Variants in COBLL1 observed in about 807,000 individuals in gnomAD.
COBLL1 encodes cordon-bleu protein-like 1.
Under a neutral mutation model 94.8 loss-of-function variants are expected in COBLL1, and 50 were observed. The ratio of observed to expected loss-of-function variants is 0.53; its 90% CI spans 0.42 to 0.67. The LOEUF (loss-of-function observed/expected upper bound fraction) is 0.67. Among genes scored for constraint, COBLL1 ranks in the 30% least tolerant of loss-of-function variants. The probability of loss-of-function intolerance (pLI) is 0.00; values close to 1 mark genes in which losing one functional copy is unlikely to be tolerated. For missense variants in COBLL1, 1,362 were observed against 1,348.7 expected (o/e 1.01, Z -0.15); for synonymous variants, 448 against 473.8 (o/e 0.95, Z 0.71).
intron 13 of COBLL1, among the ~76,000 whole-genome samples, chr2:164,690,185 G>A (rs778580062): frequency 1.1e-4 from 16 of 151,998 alleles, no homozygotes; most frequent in Non-Finnish European, 2.1e-4. Flanking sequence ...TTTAGGGTAC[G>A]TAACTAGAAG....
intron 13 of COBLL1, among the ~76,000 whole-genome samples, chr2:164,687,998 GAACA>G (rs1683394118): frequency 6.6e-6 from 1 of 152,018 alleles, no homozygotes; most frequent in African/African-American, 2.4e-5. Context: ...CACAAATAAT[GAACA>G]AATAAGCTAC....
downstream of COBLL1, among the ~76,000 whole-genome samples, chr2:164,676,314 GATA>G (rs1391539611): frequency 2.6e-5 from 4 of 151,952 alleles, no homozygotes; most frequent in East Asian, 5.8e-4. Flanking sequence ...ACACAACTTG[GATA>G]ATATCTGTCA....
chr2:164,788,108 G>A (rs1289551984), intron 2 of COBLL1, among the ~76,000 whole-genome samples: 1 of 152,070 alleles, frequency 6.6e-6, no homozygotes, highest in Non-Finnish European at 1.5e-5. Flanking sequence ...GGCACTGATT[G>A]GCCTAAACCA....
At chr2:164,707,477 C>A (rs1684663624) in intron 7 of COBLL1, among the ~76,000 whole-genome samples, 1 of 152,118 alleles carries the variant, frequency 6.6e-6, no homozygotes, top group African/African-American at 2.4e-5. Flanking sequence ...CCCTGACTCC[C>A]AACATTTCTT....
At chr2:164,824,165 T>G (rs1228237540) in intron 2 of COBLL1, among the ~76,000 whole-genome samples, 1 of 152,146 alleles carries the variant, frequency 6.6e-6, no homozygotes, top group Non-Finnish European at 1.5e-5. Context: ...GTGGATCACC[T>G]GAGGTCAGAA....
intron 2 of COBLL1, among the ~76,000 whole-genome samples, chr2:164,762,221 C>T (rs1687717604): frequency 6.6e-6 from 1 of 152,170 alleles, no homozygotes. Flanking sequence ...GGCTATTTAA[C>T]CTGACCATGC....
chr2:164,794,873 A>G (rs1249614951), intron 2 of COBLL1, among the ~76,000 whole-genome samples: 1 of 152,248 alleles, frequency 6.6e-6, no homozygotes, highest in Non-Finnish European at 1.5e-5. Flanking sequence ...TTGAATTCAC[A>G]AATCTTTGCC....
chr2:164,795,986 G>A (rs1451603402), intron 2 of COBLL1, among the ~76,000 whole-genome samples: 1 of 152,054 alleles, frequency 6.6e-6, no homozygotes, highest in African/African-American at 2.4e-5. Context: ...TGTGTCTCCT[G>A]GTGAGACGCA....
In COBLL1 at chr2:164,800,903, T is replaced by A. The variant is rs566376225; in HGVS notation, c.41+40253A>T. ...CACCAGGTGTTATTGATAGGGACGG[T>A]CTCATTATAAAGTAACAGCAAAAGG... On this transcript the variant is annotated intron_variant, in intron 2 of 13. Coordinates refer to ENST00000652658, the MANE Select transcript of COBLL1 (RefSeq NM_001365672.2). Among the ~76,000 whole-genome samples, 18 of 152,278 alleles carry A rather than the reference T, an allele frequency of 1.2e-4. No individual in the cohort carries two copies. In the South Asian group the frequency reaches 2.7e-3, roughly 23 times the overall value.
chr2:164,749,413 C>T (rs904884192), intron 2 of COBLL1, among the ~76,000 whole-genome samples: 2 of 152,170 alleles, frequency 1.3e-5, no homozygotes, highest in Non-Finnish European at 2.9e-5. Context: ...AACCCTCTCT[C>T]AGCACAAAGA....
chr2:164,819,035 T>G (rs1685029716), intron 2 of COBLL1, among the ~76,000 whole-genome samples: 1 of 151,934 alleles, frequency 6.6e-6, no homozygotes, highest in South Asian at 2.1e-4. Flanking sequence ...CCTCTCAAAG[T>G]GCTGGGACTA....
chr2:164,802,274 T>A (rs1683847493), intron 2 of COBLL1, among the ~76,000 whole-genome samples: 1 of 152,212 alleles, frequency 6.6e-6, no homozygotes, highest in Non-Finnish European at 1.5e-5. Context: ...GCACAATATC[T>A]GGCACATGGT....
chr2:164,796,307 T>C (rs1683453395), intron 2 of COBLL1, among the ~76,000 whole-genome samples: 1 of 152,098 alleles, frequency 6.6e-6, no homozygotes, highest in Non-Finnish European at 1.5e-5. Flanking sequence ...TTTGAGTCAA[T>C]GTAAGGAAGG....
At chr2:164,690,130 T>C (rs749046955) in intron 13 of COBLL1, among the ~76,000 whole-genome samples, 3 of 152,168 alleles carry the variant, frequency 2.0e-5, no homozygotes, top group South Asian at 2.1e-4. Flanking sequence ...TAATATTCCC[T>C]GAACATTCTT....
chr2:164,793,090 C>G (rs1683271633), intron 2 of COBLL1, among the ~76,000 whole-genome samples: 1 of 152,186 alleles, frequency 6.6e-6, no homozygotes, highest in South Asian at 2.1e-4. Flanking sequence ...AGATAATCAG[C>G]CTTTGGAATC....
intron 1 of COBLL1, among the ~76,000 whole-genome samples, chr2:164,671,956 T>A (rs546678591): frequency 5.8e-4 from 89 of 152,268 alleles, no homozygotes; most frequent in African/African-American, 1.9e-3. Flanking sequence ...AGAAAGTATC[T>A]TCAATATGTG....
At chr2:164,722,737 A>G in intron 5 of COBLL1, 1 of 280,680 alleles carries the variant, frequency 3.6e-6, no homozygotes, top group Non-Finnish European at 6.6e-6. Context: ...TTAAAAAACT[A>G]AGATACATAA....
intron 9 of COBLL1, among the ~76,000 whole-genome samples, chr2:164,701,282 T>G (rs1161428600): frequency 6.6e-6 from 1 of 152,104 alleles, no homozygotes; most frequent in African/African-American, 2.4e-5. Flanking sequence ...TCAGAATCTC[T>G]GAAGGGTGGG....
Position 164,722,241 on chromosome 2 carries a change from G to A in COBLL1, c.830C>T (p.Ser277Phe). Reference sequence around the variant, plus strand: ...CAGGGTGTTGGAAATATATGGTTTGGAAATGGTATTGGACCTTGTAAAAGT... The same window carrying A: ...CAGGGTGTTGGAAATATATGGTTTGAAAATGGTATTGGACCTTGTAAAAGT... Reference protein sequence around the residue: ...RPTFTRSNTISKPYISNTLPS... With the variant: ...RPTFTRSNTIFKPYISNTLPS... The change falls in exon 7 of 14, where the codon TCC becomes TTC. Residue 277 changes from serine (S) to phenylalanine (F), a missense_variant. Physicochemically the swap from Ser to Phe is radical, Grantham distance 155 (BLOSUM62 -2). Transcript: ENST00000652658. The A allele has an allele frequency of 1.2e-6, 2 of 1,613,994 alleles. No homozygotes were observed. The highest frequency in any genetic ancestry group is 1.7e-6 in the Non-Finnish European group (2 of 1,179,968).
Sources: allele counts gnomAD v4.1 joint callset (sites outside exome capture counted in the v4.1 genomes callset), GRCh38; gene constraint gnomAD v4.1.1; transcripts MANE v1.5; gene names NCBI Gene and HGNC (gene_info 2026-07-23, HGNC 2026-07-21).